The following NEGR1 variants were observed in gnomAD, a reference collection of about 807,000 sequenced individuals.
The protein encoded by NEGR1 is IgLON family member 4.
NEGR1 carries 10 observed loss-of-function variants against 40.9 expected under a neutral mutation model. That is an observed-to-expected ratio of 0.24 (90% CI 0.15 to 0.42). The LOEUF is 0.42. Ranked by LOEUF, NEGR1 falls within the 10% of genes least tolerant of loss-of-function variation. The pLI is 1.00. For synonymous variants in NEGR1, 185 were observed against 166.8 expected (o/e 1.11, Z -0.84); for missense variants, 352 against 438.9 (o/e 0.80, Z 1.77).
intron 4 of NEGR1, among the ~76,000 whole-genome samples, chr1:71,688,325 T>TATATATATATATATAGATAG (rs1475341609): frequency 8.7e-5 from 9 of 103,208 alleles, no homozygotes; most frequent in South Asian, 3.2e-4. Context: ...TATATATATA[T>TATATATATATATATAGATAG]ATAGATAGAT....
intron 2 of NEGR1, among the ~76,000 whole-genome samples, chr1:71,924,682 C>G (rs141079123): frequency 6.6e-6 from 1 of 152,302 alleles, no homozygotes; most frequent in East Asian, 1.9e-4. Context: ...GTAGCTAACT[C>G]TGTCCCATGT....
chr1:71,951,365 A>G (rs12040021), intron 1 of NEGR1, among the ~76,000 whole-genome samples: 18,759 of 151,938 alleles, frequency 0.12, 1,613 homozygotes, highest in East Asian at 0.43. Flanking sequence ...CAACTGTAAC[A>G]GGCAAATCAT....
Position 71,849,720 on chromosome 1 carries a change from C to T in NEGR1, c.410-73423G>A, listed in dbSNP as rs1252996042. On this transcript the variant is annotated intron_variant, in intron 2 of 6. Transcript: ENST00000357731. The stretch of plus-strand genomic sequence containing the variant: ...TTATTTTAAGAAATTGCCACAGTCA[C>T]CCCAACCTTCAGCAACCACCCCCCA... 2.0e-5 allele frequency among the ~76,000 whole-genome samples: 3 copies of T among 152,086 alleles called. No individual in the cohort carries two copies. The East Asian group carries it at 5.8e-4, about 29-fold the overall frequency.
intron 6 of NEGR1, among the ~76,000 whole-genome samples, chr1:71,409,193 T>A (rs1415976242): frequency 6.6e-6 from 1 of 152,060 alleles, no homozygotes. Flanking sequence ...AATTTAAAGC[T>A]ATGGAACTCC....
At chr1:71,923,169 C>G (rs912538110) in intron 2 of NEGR1, among the ~76,000 whole-genome samples, 2 of 152,132 alleles carry the variant, frequency 1.3e-5, no homozygotes, top group African/African-American at 4.8e-5. Flanking sequence ...TAGATACGAT[C>G]CATATTTTCA....
chr1:72,239,288 A>G (rs1004772915), intron 1 of NEGR1, among the ~76,000 whole-genome samples: 11 of 151,818 alleles, frequency 7.2e-5, no homozygotes, highest in African/African-American at 2.7e-4. Context: ...AATAAAGGCA[A>G]TCAACTCTCT....
chr1:71,826,189 C>T (rs1018039217), intron 2 of NEGR1, among the ~76,000 whole-genome samples: 3 of 151,838 alleles, frequency 2.0e-5, no homozygotes, highest in Non-Finnish European at 4.4e-5. Flanking sequence ...TTTTCCGTTC[C>T]CTGTATACAT....
At chr1:72,075,662 G>A (rs1184692736) in intron 1 of NEGR1, among the ~76,000 whole-genome samples, 2 of 152,154 alleles carry the variant, frequency 1.3e-5, no homozygotes, top group Non-Finnish European at 2.9e-5. Flanking sequence ...TTCAACAGAA[G>A]CTAAAGTTAT....
intron 3 of NEGR1, among the ~76,000 whole-genome samples, chr1:71,725,758 T>C (rs1281758983): frequency 6.6e-6 from 1 of 152,110 alleles, no homozygotes; most frequent in African/African-American, 2.4e-5. Context: ...TTTCCTCCTC[T>C]TTCTGTTTGA....
intron 1 of NEGR1, among the ~76,000 whole-genome samples, chr1:72,116,769 G>T (rs1439315633): frequency 6.6e-6 from 1 of 151,630 alleles, no homozygotes; most frequent in Admixed American, 6.6e-5. Context: ...GAAATAGTCT[G>T]TAAAAGTGTT....
intron 3 of NEGR1, among the ~76,000 whole-genome samples, chr1:71,735,303 CTCTT>C (rs756908542): frequency 6.6e-6 from 1 of 152,072 alleles, no homozygotes; most frequent in Non-Finnish European, 1.5e-5. Context: ...TTGCTTGAGT[CTCTT>C]TCTTATTTAT....
At chr1:71,714,816 T>C (rs1196058732) in intron 3 of NEGR1, among the ~76,000 whole-genome samples, 2 of 152,210 alleles carry the variant, frequency 1.3e-5, no homozygotes, top group Non-Finnish European at 2.9e-5. Flanking sequence ...GCCTGGCATT[T>C]AGTATCTGTG....
In NEGR1 at chr1:71,733,681, G is replaced by A. The variant is rs184589726; in HGVS notation, c.536-35542C>T. On this transcript the variant is annotated intron_variant, in intron 3 of 6. Transcript: ENST00000357731. The stretch of plus-strand genomic sequence containing the variant: ...GCTAGGATAAGTAGAATGAAAATGA[G>A]AGACCCAGGAAAAGTTAAATACTGG... Among the ~76,000 whole-genome samples, 4 of 152,226 alleles carry A rather than the reference G, an allele frequency of 2.6e-5. No individual in the cohort carries two copies. In the East Asian group the frequency reaches 5.8e-4, roughly 22 times the overall value.
rs117839549 is a variant in NEGR1 at position 71,548,914 on chromosome 1, C to T, written c.940+43903G>A. 2.7e-3 allele frequency among the ~76,000 whole-genome samples: 409 copies of T among 151,720 alleles called. 5 individuals are homozygous for T. In the South Asian group the frequency reaches 0.038, roughly 14 times the overall value. On this transcript the variant is annotated intron_variant, in intron 6 of 6. Transcript: ENST00000357731. ...CCTTTGGTACAGCAAATATTGTCAA[C>T]GTACAGTGATTTAAATAAAAGAAAG... is the stretch of plus-strand genomic sequence containing the variant.
chr1:72,150,226 C>T (rs1351356480), intron 1 of NEGR1, among the ~76,000 whole-genome samples: 1 of 152,154 alleles, frequency 6.6e-6, no homozygotes, highest in East Asian at 1.9e-4. Context: ...TCATGAAGCA[C>T]AGTCTTTCAA....
chr1:71,512,807 C>A (rs1266853205), intron 6 of NEGR1, among the ~76,000 whole-genome samples: 1 of 152,028 alleles, frequency 6.6e-6, no homozygotes, highest in Non-Finnish European at 1.5e-5. Flanking sequence ...ATCTTGAACT[C>A]CTGACCTTGT....
At chr1:71,573,663 T>C (rs1202203815) in intron 6 of NEGR1, 1 of 152,208 alleles carries the variant, frequency 6.6e-6, no homozygotes, top group African/African-American at 2.4e-5. Flanking sequence ...TTATTATAAA[T>C]TAATAAATTG....
At chr1:71,917,509 G>A (rs558297470) in intron 2 of NEGR1, among the ~76,000 whole-genome samples, 2 of 152,144 alleles carry the variant, frequency 1.3e-5, no homozygotes, top group Non-Finnish European at 2.9e-5. Context: ...AGAGTAAGTC[G>A]GACGGGTGCG....
chr1:71,702,734 A>AAG (rs1227641571), intron 3 of NEGR1, among the ~76,000 whole-genome samples: 5 of 151,094 alleles, frequency 3.3e-5, no homozygotes, highest in Non-Finnish European at 7.4e-5. Context: ...TTTAAAAAAA[A>AAG]AAAAAAAACA....
Sources: gnomAD v4.1 joint callset for allele counts (sites outside exome capture counted in the v4.1 genomes callset) on GRCh38, gnomAD v4.1.1 for gene constraint, MANE v1.5 for transcripts, NCBI Gene and HGNC (gene_info 2026-07-23, HGNC 2026-07-21) for gene names.